The following DPP8 variants were observed in gnomAD, a reference collection of about 807,000 sequenced individuals.
DPP8 encodes DPP VIII.
A neutral mutation model predicts 107.5 loss-of-function variants in DPP8; 31 were observed. The observed-to-expected ratio is 0.29, with a 90% CI of 0.22 to 0.39. DPP8 has a LOEUF of 0.39. Among genes scored for constraint, DPP8 ranks in the 10% least tolerant of loss-of-function variants. The pLI is 1.00. For synonymous variants in DPP8, 381 were observed against 356.6 expected, an observed-to-expected ratio of 1.07 and a Z score of -0.77; for missense variants, 842 against 1,076.1, an observed-to-expected ratio of 0.78 and a Z score of 3.04.
chr15:65,459,176 C>A (rs564069065), intron 15 of DPP8, among the ~76,000 whole-genome samples: 1 of 151,078 alleles, frequency 6.6e-6, no homozygotes, highest in African/African-American at 2.4e-5. Context: ...TGGCCAGATT[C>A]TTCTGTTTCT....
chr15:65,461,230 G>A (rs1357336067), intron 15 of DPP8, among the ~76,000 whole-genome samples: 3 of 152,010 alleles, frequency 2.0e-5, no homozygotes, highest in Admixed American at 2.0e-4. Context: ...CTGCAACCTC[G>A]AACTCCTGGG....
Position 65,490,483 on chromosome 15 carries a change from A to G in DPP8, c.716-184T>C, listed in dbSNP as rs78320127. On this transcript the variant is annotated intron_variant, in intron 5 of 19. Transcript: ENST00000300141. ...TGGGCAAATCATCCAATCTCATTCC[A>G]CTGCAGTATCCCATTTGTAAATGAG... 9.6e-3 allele frequency among the ~76,000 whole-genome samples: 1,467 copies of G among 152,284 alleles called. 14 individuals are homozygous for G. The highest frequency in any genetic ancestry group is 0.041 in the Middle Eastern group (12 of 294).
At chr15:65,484,551 A>C (rs1351028085) in intron 8 of DPP8, among the ~76,000 whole-genome samples, 2 of 152,038 alleles carry the variant, frequency 1.3e-5, no homozygotes, top group African/African-American at 2.4e-5. Flanking sequence ...GTTTTTAAAA[A>C]AGTCTAGAAG....
chr15:65,501,113 G>A (rs2069188002), intron 3 of DPP8, among the ~76,000 whole-genome samples: 1 of 151,916 alleles, frequency 6.6e-6, no homozygotes, highest in Non-Finnish European at 1.5e-5. Flanking sequence ...TCCTGACCTC[G>A]TGATCCGCCT....
intron 15 of DPP8, chr15:65,458,660 A>G (rs563193183): frequency 1.1e-4 from 17 of 152,212 alleles, no homozygotes; most frequent in Admixed American, 9.8e-4. Context: ...CTTTTCTTGT[A>G]TTTCACTCTT....
rs546084619 is a variant in DPP8 at position 65,479,803 on chromosome 15, C to A, written c.1296+419G>T. Among the ~76,000 whole-genome samples, 6 of 146,098 alleles carry A rather than the reference C, an allele frequency of 4.1e-5. No homozygotes were observed. In the South Asian group the frequency reaches 1.3e-3, roughly 31 times the overall value. On this transcript the variant is annotated intron_variant, in intron 10 of 19. Transcript: ENST00000300141. ...AGCTTGCAGTGAGCCGAGATTGCAC[C>A]ACTGCAGTCCACAGTCTGGCCTGGG...
Position 65,466,672 on chromosome 15 carries a change from G to T in DPP8, c.1825+6C>A, listed in dbSNP as rs369630546. 1.5e-5 allele frequency: 24 copies of T among 1,613,198 alleles called. No individual in the cohort carries two copies. Among genetic ancestry groups the T allele is most frequent in the Non-Finnish European group, 1.8e-5 (21 of 1,179,530 alleles). ...TAACGTCAGGATCAGGGGGAAAAAA[G>T]AATACCTGCTGAATCCAAAATGGTG... On this transcript the variant is annotated splice_donor_region_variant and intron_variant, in intron 14 of 19. Coordinates refer to ENST00000300141, the MANE Select transcript of DPP8 (RefSeq NM_130434.5).
intron 1 of DPP8, chr15:65,517,104 A>G (rs1013758256): frequency 2.0e-5 from 3 of 152,514 alleles, no homozygotes; most frequent in Non-Finnish European, 2.9e-5. Flanking sequence ...AGTCGGACTT[A>G]AGGAAAATCC....
intron 12 of DPP8, among the ~76,000 whole-genome samples, chr15:65,469,887 T>C (rs1765473951): frequency 6.6e-6 from 1 of 151,506 alleles, no homozygotes; most frequent in African/African-American, 2.4e-5. Context: ...TTTACCCAAT[T>C]ACTGCCATTA....
intron 7 of DPP8, among the ~76,000 whole-genome samples, chr15:65,485,544 C>CAAAAAAAAAAA (rs56940292): frequency 4.9e-5 from 3 of 61,258 alleles, no homozygotes; most frequent in Non-Finnish European, 6.7e-5. Flanking sequence ...GACTCCATCT[C>CAAAAAAAAAAA]AAAAAAAAAA....
rs1024847033 is a variant in DPP8, at chr15:65,446,016, C to G, written c.*868G>C. On this transcript the variant is annotated 3_prime_UTR_variant, in exon 20 of 20. Transcript: ENST00000300141. Reference sequence around the variant, plus strand: ...TTAATAAGGAAATACCAAATGGAAACTGGCACCACTAAATTTTCTGAAGAA... The same window carrying G: ...TTAATAAGGAAATACCAAATGGAAAGTGGCACCACTAAATTTTCTGAAGAA... The G allele has an allele frequency of 6.6e-6, 1 of 151,786 alleles. No individual in the cohort carries two copies. Among genetic ancestry groups the G allele is most frequent in the African/African-American group, 2.4e-5 (1 of 41,322 alleles). The allele number at this position is 151,786 out of a possible 1,614,324, so 9.4% of individuals were successfully genotyped here. A position where few individuals can be genotyped will look rare whatever the true frequency, so the allele number is the denominator to read the frequency against.
intron 11 of DPP8, among the ~76,000 whole-genome samples, chr15:65,476,322 AAATTT>A (rs556611389): frequency 6.4e-4 from 97 of 152,270 alleles, no homozygotes; most frequent in African/African-American, 2.2e-3. Context: ...AATTAAAATA[AAATTT>A]AATTTTTTTA....
chr15:65,480,399 A>G lies in DPP8; in HGVS notation c.1119T>C (p.Tyr373=), dbSNP rs1315624823. 6.3e-7 allele frequency: 1 copy of G among 1,597,140 alleles called. No individual in the cohort carries two copies. Among genetic ancestry groups the G allele is most frequent in the Non-Finnish European group, 8.5e-7 (1 of 1,173,970 alleles). The change falls in exon 10 of 20, where the codon TAT becomes TAC. Residue 373 remains tyrosine (Y), a splice_region_variant and synonymous_variant. Transcript: ENST00000300141. ...ARAGWTPEGK[Y]AWSILLDRSQ... is the part of the protein sequence containing the mutation. ...AGCGATCTAGTAGGATGGACCAAGC[A>G]CTATTTAAATAAATAAAAGAGAAGA...
chr15:65,474,134 T>C, intron 12 of DPP8, 75 bp downstream of exon 12: 1 of 1,112,714 alleles, frequency 9.0e-7, no homozygotes, highest in Non-Finnish European at 1.4e-6. Flanking sequence ...TCATATTAAA[T>C]TACATTACTC....
intron 5 of DPP8, among the ~76,000 whole-genome samples, chr15:65,491,722 T>G (rs1431259882): frequency 2.0e-5 from 3 of 152,318 alleles, no homozygotes; most frequent in African/African-American, 7.2e-5. Flanking sequence ...CTGGCTATTA[T>G]GACTAAAGAT....
Position 65,487,830 on chromosome 15 carries a change from T to G in DPP8, c.827-12A>C. ...ACCACCACTGGGAGCTTAAAAGAAA[T>G]TTAAATATTGAAAATTTAGAAGAAT... On this transcript the variant is annotated splice_polypyrimidine_tract_variant and intron_variant, in intron 6 of 19. Coordinates refer to ENST00000300141, the MANE Select transcript of DPP8 (RefSeq NM_130434.5). The G allele has an allele frequency of 6.7e-7, 1 of 1,493,810 alleles. No homozygotes were observed. Among genetic ancestry groups the G allele is most frequent in the Non-Finnish European group, 9.2e-7 (1 of 1,088,594 alleles). 92.5% of individuals were successfully genotyped at this position (1,493,810 alleles called of 1,614,324 possible).
chr15:65,501,755 T>C (rs899661829), intron 3 of DPP8, among the ~76,000 whole-genome samples: 2 of 152,198 alleles, frequency 1.3e-5, no homozygotes, highest in African/African-American at 4.8e-5. Context: ...TCCTGGTCTT[T>C]GTCTGTTCTA....
chr15:65,490,049 T>C lies in DPP8; in HGVS notation c.826+140A>G, dbSNP rs973650603. 75 of 622,914 alleles carry C rather than the reference T, an allele frequency of 1.2e-4. 1 individual carries two copies. In the East Asian group the frequency reaches 2.0e-3, roughly 17 times the overall value. 38.6% of individuals were successfully genotyped at this position (622,914 alleles called of 1,614,324 possible). On this transcript the variant is annotated intron_variant, in intron 6 of 19. Coordinates refer to ENST00000300141, the MANE Select transcript of DPP8 (RefSeq NM_130434.5). ...TACATATTTTAAATAACTATGGGCATGAATCAATCATCATCACTTTGGAAT... is the reference window on the plus strand; with the variant it reads ...TACATATTTTAAATAACTATGGGCACGAATCAATCATCATCACTTTGGAAT...
Position 65,446,836 on chromosome 15 carries a change from T to C in DPP8, c.*48A>G. ...GTTTTCTGTTGATTAAACCTCCTCA[T>C]TTGGTTAAATAGCCAGTGTATACCA... On this transcript the variant is annotated 3_prime_UTR_variant, in exon 20 of 20. Coordinates refer to ENST00000300141, the MANE Select transcript of DPP8 (RefSeq NM_130434.5). 6.5e-7 allele frequency: 1 copy of C among 1,537,632 alleles called. No individual in the cohort carries two copies. Among genetic ancestry groups the C allele is most frequent in the Non-Finnish European group, 8.8e-7 (1 of 1,140,284 alleles).
Sources: gnomAD v4.1 joint callset for allele counts (sites outside exome capture counted in the v4.1 genomes callset) on GRCh38, gnomAD v4.1.1 for gene constraint, MANE v1.5 for transcripts, NCBI Gene and HGNC (gene_info 2026-07-23, HGNC 2026-07-21) for gene names.